RGSL1: variants seen among roughly 807,000 people sequenced by gnomAD.
RGSL1 encodes the protein regulator of G protein signaling like 1, also known as regulator of G protein signaling protein-like.
In RGSL1, 97 loss-of-function variants were observed where a neutral mutation model predicts 124.7. The ratio of observed to expected loss-of-function variants is 0.78; its 90% confidence interval spans 0.66 to 0.92. RGSL1 has a LOEUF of 0.92. Ranked by LOEUF, RGSL1 falls within the 40% of genes least tolerant of loss-of-function variation. The pLI, the probability that RGSL1 is intolerant of heterozygous loss-of-function variation, is 0.00. For missense variants in RGSL1, 1,233 were observed against 1,288.4 expected (o/e 0.96, Z 0.66); for synonymous variants, 424 against 438.1 (o/e 0.97, Z 0.40).
intron 6 of RGSL1, among the ~76,000 whole-genome samples, chr1:182,483,542 T>C (rs1013465433): frequency 6.6e-6 from 1 of 152,192 alleles, no homozygotes; most frequent in Non-Finnish European, 1.5e-5. Context: ...TGTACATCTA[T>C]GACATACACA....
At position 182,530,911 on chromosome 1, in the gene RGSL1, G is replaced by A. The variant is rs758185942; in HGVS notation, c.2364+1G>A. The A allele has an allele frequency of 3.2e-6, 5 of 1,545,744 alleles. No individual in the cohort carries two copies. The South Asian group carries it at 3.6e-5, about 11-fold the overall frequency. ...GTCAACTTACCTACAGGAATCCCAG[G>A]TTAGTGAAGAAGAAAGTGAAACAAG... is the stretch of plus-strand genomic sequence containing the variant. On this transcript the variant is annotated splice_donor_variant, in intron 13 of 21. Transcript: ENST00000294854. LOFTEE classifies it high-confidence loss of function.
intron 6 of RGSL1, among the ~76,000 whole-genome samples, chr1:182,477,046 G>T (rs993397420): frequency 2.0e-5 from 3 of 152,120 alleles, no homozygotes; most frequent in African/African-American, 7.2e-5. Context: ...GAAATAGGAG[G>T]TCCCCAGCTT....
chr1:182,530,302 C>T lies in RGSL1; in HGVS notation c.2184C>T (p.Val728=), dbSNP rs538302889. 42 of 1,551,088 alleles carry T rather than the reference C, an allele frequency of 2.7e-5. No individual in the cohort carries two copies. The South Asian group carries it at 4.6e-4, about 17-fold the overall frequency. Residue 728 remains valine, a synonymous_variant, in exon 12 of 22, where the codon GTC becomes GTT. Coordinates refer to ENST00000294854, the MANE Select transcript of RGSL1 (RefSeq NM_001137669.2). ...AAGAAATCGCTTCCATGCGTCATGT[C>T]ACCACAAGCACACTGTTAACGCTCC... The part of the protein sequence containing the change: ...IIKEIASMRH[V]TTSTLLTLQG...
intron 9 of RGSL1, among the ~76,000 whole-genome samples, chr1:182,497,094 T>C (rs751893889): frequency 6.6e-6 from 1 of 152,108 alleles, no homozygotes; most frequent in African/African-American, 2.4e-5. Flanking sequence ...TTGGGGCCCA[T>C]TGAATTACAT....
At chr1:182,556,754 A>G (rs1415078613) in intron 21 of RGSL1, among the ~76,000 whole-genome samples, 3 of 152,154 alleles carry the variant, frequency 2.0e-5, no homozygotes, top group African/African-American at 7.2e-5. Context: ...AAAAACTTTA[A>G]GGTTTTTGAC....
intron 1 of RGSL1, among the ~76,000 whole-genome samples, chr1:182,453,037 T>C (rs56024773): frequency 0.023 from 3,494 of 152,276 alleles, 120 homozygotes; most frequent in African/African-American, 0.073. Flanking sequence ...CTAAGGAGCA[T>C]AGACAGTAAA....
chr1:182,476,282 C>T (rs1654284904), intron 6 of RGSL1, among the ~76,000 whole-genome samples: 1 of 152,300 alleles, frequency 6.6e-6, no homozygotes, highest in East Asian at 1.9e-4. Flanking sequence ...ATTCTCACAG[C>T]AAATACTTCT....
chr1:182,542,715 T>C (rs758109831), intron 15 of RGSL1, among the ~76,000 whole-genome samples: 1 of 152,190 alleles, frequency 6.6e-6, no homozygotes, highest in Non-Finnish European at 1.5e-5. Flanking sequence ...ATACTTCAAT[T>C]GTGTGTGTCT....
chr1:182,509,386 C>T (rs1407690065), intron 9 of RGSL1, among the ~76,000 whole-genome samples: 526 of 13,372 alleles, frequency 0.039, 4 homozygotes, highest in African/African-American at 0.088. Flanking sequence ...CCAGTAGGGG[C>T]GGCCGGGCAG....
chr1:182,542,502 C>T (rs1659958029), intron 15 of RGSL1, among the ~76,000 whole-genome samples: 1 of 152,104 alleles, frequency 6.6e-6, no homozygotes, highest in Admixed American at 6.6e-5. Flanking sequence ...TAGAGTGATG[C>T]CTCCAGCTTT....
Position 182,554,663 on chromosome 1 carries a change from T to C in RGSL1, c.3167T>C (p.Val1056Ala). 6.4e-7 allele frequency: 1 copy of C among 1,551,742 alleles called. No individual in the cohort carries two copies. Among genetic ancestry groups the C allele is most frequent in the Non-Finnish European group, 8.7e-7 (1 of 1,146,992 alleles). Residue 1056 changes from valine (V) to alanine (A), a missense_variant, in exon 20 of 22, where the codon GTA becomes GCA. Transcript: ENST00000294854. Reference protein sequence around the residue: ...SSKLTQPRLVVSAMQLHPVQG... With the variant: ...SSKLTQPRLVASAMQLHPVQG... ...AAACTTACTCAGCCAAGACTCGTGGTATCTGCCATGCAGCTGCATCCCGTC... is the reference window on the plus strand; with the variant it reads ...AAACTTACTCAGCCAAGACTCGTGGCATCTGCCATGCAGCTGCATCCCGTC...
intron 4 of RGSL1, among the ~76,000 whole-genome samples, chr1:182,470,078 C>T (rs1198459025): frequency 6.6e-5 from 10 of 151,796 alleles, no homozygotes; most frequent in Admixed American, 1.3e-4. Context: ...ATTTTGGAGG[C>T]GGATGGTCAT....
At chr1:182,451,461 CTA>C (rs1479028490) in intron 1 of RGSL1, among the ~76,000 whole-genome samples, 6 of 151,004 alleles carry the variant, frequency 4.0e-5, no homozygotes, top group Non-Finnish European at 7.4e-5. Context: ...TAATGGATGA[CTA>C]TTAATTTGTG....
In RGSL1 at chr1:182,554,661, G is replaced by A. The variant is rs1558443467; in HGVS notation, c.3165G>A (p.Val1055=). Residue 1055 remains valine (V), a synonymous_variant, in exon 20 of 22, where the codon GTG becomes GTA. Coordinates refer to ENST00000294854, the MANE Select transcript of RGSL1 (RefSeq NM_001137669.2). ...SSSKLTQPRL[V]VSAMQLHPVQ... The stretch of plus-strand genomic sequence containing the variant: ...GCAAACTTACTCAGCCAAGACTCGT[G>A]GTATCTGCCATGCAGCTGCATCCCG... The A allele has an allele frequency of 3.2e-6, 5 of 1,551,676 alleles. 1 individual carries two copies. Among genetic ancestry groups the A allele is most frequent in the Admixed American group, 3.9e-5 (2 of 51,008 alleles).
intron 9 of RGSL1, among the ~76,000 whole-genome samples, chr1:182,500,489 G>T (rs1656267224): frequency 6.6e-6 from 1 of 152,066 alleles, no homozygotes; most frequent in Non-Finnish European, 1.5e-5. Context: ...TGCTATTTGG[G>T]ATAGCTTGCA....
Position 182,474,072 on chromosome 1 carries a change from G to A in RGSL1, c.961G>A (p.Glu321Lys), listed in dbSNP as rs1654078788. 6.4e-7 allele frequency: 1 copy of A among 1,551,654 alleles called. No individual in the cohort carries two copies. ...DMHYAKISSM[E>K]NKAKSHLHME... Reference sequence around the variant, plus strand: ...GCATTATGCAAAAATATCCAGCATGGAGAATAAAGCCAAGAGCCACCTCCA... The same window carrying A: ...GCATTATGCAAAAATATCCAGCATGAAGAATAAAGCCAAGAGCCACCTCCA... Residue 321 changes from glutamate to lysine, a missense_variant, in exon 6 of 22, where the codon GAG becomes AAG. By Grantham distance (56) the Glu-to-Lys change is moderately conservative (BLOSUM62 1). Coordinates refer to ENST00000294854, the MANE Select transcript of RGSL1 (RefSeq NM_001137669.2).
chr1:182,559,742 C>G (rs773144524), intron 21 of RGSL1, among the ~76,000 whole-genome samples: 14 of 152,196 alleles, frequency 9.2e-5, no homozygotes, highest in Admixed American at 2.0e-4. Flanking sequence ...ACACCATTCT[C>G]CAGCAACTTG....
intron 6 of RGSL1, 103 bp downstream of exon 6, chr1:182,474,645 A>G: frequency 7.2e-7 from 1 of 1,396,148 alleles, no homozygotes; most frequent in South Asian, 1.5e-5. Context: ...CTATATAATT[A>G]CCCACATAAA....
intron 9 of RGSL1, among the ~76,000 whole-genome samples, chr1:182,509,720 A>C (rs1483977332): frequency 2.6e-5 from 3 of 116,696 alleles, no homozygotes; most frequent in Admixed American, 1.6e-4. Context: ...CGGGGGGCTG[A>C]CCCCCCCACC....
Sources: gnomAD v4.1 joint callset for allele counts (sites outside exome capture counted in the v4.1 genomes callset) on GRCh38, gnomAD v4.1.1 for gene constraint, MANE v1.5 for transcripts, NCBI Gene and HGNC (gene_info 2026-07-23, HGNC 2026-07-21) for gene names.